The following HS3ST4 variants were observed in gnomAD, a reference collection of about 807,000 sequenced individuals.
The protein encoded by HS3ST4 is heparan sulfate-glucosamine 3-sulfotransferase 4.
HS3ST4 carries 17 observed loss-of-function variants against 29.2 expected under a neutral mutation model. The ratio of observed to expected loss-of-function variants is 0.58; its 90% CI spans 0.40 to 0.87. The LOEUF (loss-of-function observed/expected upper bound fraction) is 0.87, where lower values mean the gene tolerates loss of function less well. Ranked by LOEUF, HS3ST4 falls within the 40% of genes least tolerant of loss-of-function variation. The probability of loss-of-function intolerance (pLI) is 0.00; values close to 1 mark genes in which losing one functional copy is unlikely to be tolerated. For synonymous variants in HS3ST4, 314 were observed against 285.7 expected (o/e 1.10, Z -1.00); for missense variants, 627 against 634.5 (o/e 0.99, Z 0.13).
intron 1 of HS3ST4, among the ~76,000 whole-genome samples, chr16:26,013,361 A>G (rs1044282405): frequency 1.3e-5 from 2 of 152,132 alleles, no homozygotes; most frequent in East Asian, 3.9e-4. Flanking sequence ...TAATTTCCTC[A>G]TCATCTATAA....
chr16:25,716,970 C>G (rs1426433877), intron 1 of HS3ST4, among the ~76,000 whole-genome samples: 1 of 152,010 alleles, frequency 6.6e-6, no homozygotes, highest in Admixed American at 6.5e-5. Context: ...AGGAGAATCA[C>G]TTGAACCTGG....
chr16:25,697,112 C>T (rs945134839), intron 1 of HS3ST4, among the ~76,000 whole-genome samples: 3 of 152,192 alleles, frequency 2.0e-5, no homozygotes, highest in African/African-American at 7.2e-5. Flanking sequence ...TTCATTCATT[C>T]ATTCAATTAT....
chr16:26,002,819 A>G (rs1326644174), intron 1 of HS3ST4, among the ~76,000 whole-genome samples: 3 of 152,084 alleles, frequency 2.0e-5, no homozygotes, highest in Non-Finnish European at 4.4e-5. Flanking sequence ...AAGAAAAAAG[A>G]AAGAAAGAAA....
At chr16:25,864,317 A>T (rs2141656298) in intron 1 of HS3ST4, among the ~76,000 whole-genome samples, 1 of 134,592 alleles carries the variant, frequency 7.4e-6, no homozygotes, top group Non-Finnish European at 1.6e-5. Context: ...TGGTCAGAAC[A>T]TTTAAGATCT....
rs371128845 is a variant in HS3ST4, at chr16:25,784,406, C to T, written c.734+91255C>T. Reference sequence around the variant, plus strand: ...CAGCTGAGATAAGCCAAAAGCTAGACCTCTTGCACCAAACAATTAACCAAG... The same window carrying T: ...CAGCTGAGATAAGCCAAAAGCTAGATCTCTTGCACCAAACAATTAACCAAG... On this transcript the variant is annotated intron_variant, in intron 1 of 1. Transcript: ENST00000331351. 8.5e-5 allele frequency among the ~76,000 whole-genome samples: 13 copies of T among 152,302 alleles called. 1 individual carries two copies. The South Asian group carries it at 2.7e-3, about 32-fold the overall frequency.
chr16:25,828,221 C>T (rs13334571), intron 1 of HS3ST4, among the ~76,000 whole-genome samples: 2 of 107,086 alleles, frequency 1.9e-5, no homozygotes, highest in African/African-American at 7.5e-5. Context: ...TGCTTTCTTT[C>T]CTTTCTTTCT....
At chr16:25,915,502 G>T (rs1403412574) in intron 1 of HS3ST4, among the ~76,000 whole-genome samples, 3 of 152,092 alleles carry the variant, frequency 2.0e-5, no homozygotes, top group Non-Finnish European at 4.4e-5. Flanking sequence ...GATGCATTTG[G>T]ATTTCTAAGA....
chr16:25,722,754 C>T (rs1966506398), intron 1 of HS3ST4, among the ~76,000 whole-genome samples: 1 of 152,048 alleles, frequency 6.6e-6, no homozygotes, highest in Non-Finnish European at 1.5e-5. Flanking sequence ...GAGTTATTGA[C>T]CTAGTATGTG....
In HS3ST4 at chr16:26,056,280, G is replaced by A. The variant is rs555475857; in HGVS notation, c.735-79332G>A. Among the ~76,000 whole-genome samples, 281 of 152,298 alleles carry A rather than the reference G, an allele frequency of 1.8e-3. 1 individual carries two copies. Among genetic ancestry groups the A allele is most frequent in the African/African-American group, 6.3e-3 (261 of 41,562 alleles). ...ACCCAGTGGCCAGCAGACCAGGTTG[G>A]AAGTTTTTGAGAACTATTGGTCAAA... is the stretch of plus-strand genomic sequence containing the variant. On this transcript the variant is annotated intron_variant, in intron 1 of 1. Transcript: ENST00000331351.
chr16:25,922,577 G>A (rs1460451046), intron 1 of HS3ST4, among the ~76,000 whole-genome samples: 1 of 152,222 alleles, frequency 6.6e-6, no homozygotes, highest in Non-Finnish European at 1.5e-5. Flanking sequence ...TTGAGAGAGA[G>A]GGTTGTTTAT....
rs113839351 is a variant in HS3ST4, at chr16:25,729,733, G to A, written c.734+36582G>A. ...TTGCTTTGGGACCATCGAGTCTCAC[G>A]TGGGTCGTTTTTCACTGCTCGTGGT... On this transcript the variant is annotated intron_variant, in intron 1 of 1. Coordinates refer to ENST00000331351, the MANE Select transcript of HS3ST4 (RefSeq NM_006040.3). Among the ~76,000 whole-genome samples the A allele has an allele frequency of 3.3e-3, 504 of 152,278 alleles. 2 individuals carry two copies. The highest frequency in any genetic ancestry group is 5.6e-3 in the Non-Finnish European group (379 of 68,024).
At chr16:25,887,093 A>G (rs1263119246) in intron 1 of HS3ST4, among the ~76,000 whole-genome samples, 1 of 152,158 alleles carries the variant, frequency 6.6e-6, no homozygotes. Context: ...GTAAGGAATC[A>G]TAAAAGGGGA....
intron 1 of HS3ST4, among the ~76,000 whole-genome samples, chr16:25,796,975 T>C (rs1009487341): frequency 8.5e-5 from 13 of 152,194 alleles, no homozygotes; most frequent in Non-Finnish European, 1.5e-4. Flanking sequence ...CTGGGCCTCC[T>C]TCGGGTTTCA....
chr16:26,013,965 G>A (rs1017418759), intron 1 of HS3ST4, among the ~76,000 whole-genome samples: 18 of 151,370 alleles, frequency 1.2e-4, no homozygotes, highest in Admixed American at 5.3e-4. Flanking sequence ...CTGAGATCGC[G>A]CCACCGCATT....
At chr16:25,893,842 A>G (rs1440593405) in intron 1 of HS3ST4, among the ~76,000 whole-genome samples, 1 of 152,180 alleles carries the variant, frequency 6.6e-6, no homozygotes, top group Admixed American at 6.5e-5. Flanking sequence ...TGAACTGTGA[A>G]CATCCCATCC....
At chr16:25,712,989 C>T (rs1217773923) in intron 1 of HS3ST4, among the ~76,000 whole-genome samples, 5 of 152,118 alleles carry the variant, frequency 3.3e-5, no homozygotes, top group Non-Finnish European at 7.3e-5. Flanking sequence ...CTGTCTTAAT[C>T]TCTTCTTATA....
chr16:25,895,057 A>G (rs149131627), intron 1 of HS3ST4, among the ~76,000 whole-genome samples: 43 of 152,268 alleles, frequency 2.8e-4, no homozygotes, highest in African/African-American at 1.0e-3. Context: ...GATGAGAGTT[A>G]TAACAAGAGT....
In HS3ST4 at chr16:25,939,235, A is replaced by G. The variant is rs192581213; in HGVS notation, c.735-196377A>G. Among the ~76,000 whole-genome samples the G allele has an allele frequency of 1.1e-3, 174 of 152,054 alleles. 1 individual carries two copies. The highest frequency in any genetic ancestry group is 4.6e-3 in the Admixed American group (70 of 15,262). On this transcript the variant is annotated intron_variant, in intron 1 of 1. Coordinates refer to ENST00000331351, the MANE Select transcript of HS3ST4 (RefSeq NM_006040.3). ...TAGACCCAAAGTAACCAGATCTTAC[A>G]GGTTTTTAAGGAAAGTTTTGAGACA...
intron 1 of HS3ST4, among the ~76,000 whole-genome samples, chr16:26,092,864 G>A (rs1261159400): frequency 1.3e-5 from 2 of 152,062 alleles, no homozygotes; most frequent in African/African-American, 4.8e-5. Flanking sequence ...ACTGTACCTG[G>A]AAAAACGGGA....
Sources: allele counts gnomAD v4.1 joint callset (sites outside exome capture counted in the v4.1 genomes callset), GRCh38; gene constraint gnomAD v4.1.1; transcripts MANE v1.5; gene names NCBI Gene and HGNC (gene_info 2026-07-23, HGNC 2026-07-21).